LRRTM4: variants seen among roughly 807,000 people sequenced by gnomAD.
The protein encoded by LRRTM4 is leucine rich repeat transmembrane neuronal 4.
Under a neutral mutation model 47.6 loss-of-function variants are expected in LRRTM4, and 25 were observed. The observed-to-expected ratio is 0.53, with a 90% CI of 0.38 to 0.73. LRRTM4 has a LOEUF of 0.73. Among genes scored for constraint, LRRTM4 ranks in the 30% least tolerant of loss-of-function variants. The pLI is 0.00. For synonymous variants in LRRTM4, 311 were observed against 269.5 expected (o/e 1.15, Z -1.51); for missense variants, 638 against 713.4 (o/e 0.89, Z 1.20).
At chr2:77,272,487 C>T (rs181349241) in intron 3 of LRRTM4, among the ~76,000 whole-genome samples, 1 of 152,288 alleles carries the variant, frequency 6.6e-6, no homozygotes, top group African/African-American at 2.4e-5. Context: ...GGTCATTAAA[C>T]AAGTGTATTG....
chr2:77,220,679 A>T (rs1198721239), intron 3 of LRRTM4, among the ~76,000 whole-genome samples: 1 of 152,172 alleles, frequency 6.6e-6, no homozygotes, highest in African/African-American at 2.4e-5. Flanking sequence ...GAAATCAACA[A>T]AGCCTCCAAG....
chr2:76,898,515 T>A (rs142438829), intron 3 of LRRTM4, among the ~76,000 whole-genome samples: 1 of 123,702 alleles, frequency 8.1e-6, no homozygotes, highest in African/African-American at 3.2e-5. Context: ...AATGCACCAA[T>A]GCACTCCAGC....
intron 3 of LRRTM4, among the ~76,000 whole-genome samples, chr2:76,968,832 C>T (rs1333889641): frequency 6.6e-6 from 1 of 151,742 alleles, no homozygotes; most frequent in African/African-American, 2.4e-5. Flanking sequence ...AGTGGATCCC[C>T]CTTTCTCATT....
chr2:77,262,836 A>G (rs1294275935), intron 3 of LRRTM4, among the ~76,000 whole-genome samples: 2 of 151,968 alleles, frequency 1.3e-5, no homozygotes, highest in Non-Finnish European at 2.9e-5. Flanking sequence ...GATCTCCTAG[A>G]GCTCTGAAAA....
chr2:76,764,650 A>G (rs1320703461), intron 3 of LRRTM4, among the ~76,000 whole-genome samples: 1 of 152,086 alleles, frequency 6.6e-6, no homozygotes, highest in Non-Finnish European at 1.5e-5. Context: ...CAAAAAAAAC[A>G]AACAAAAAAT....
At chr2:77,457,016 A>ATATATATG (rs1676581875) in intron 3 of LRRTM4, among the ~76,000 whole-genome samples, 1 of 21,606 alleles carries the variant, frequency 4.6e-5, no homozygotes, top group Non-Finnish European at 9.3e-5. Context: ...ATATATATAT[A>ATATATATG]TATATATATA....
At chr2:77,408,180 G>GC (rs1175989474) in intron 3 of LRRTM4, among the ~76,000 whole-genome samples, 3 of 152,006 alleles carry the variant, frequency 2.0e-5, no homozygotes, top group Admixed American at 1.3e-4. Context: ...CTTTAATCCT[G>GC]CCCCCCAGGG....
At chr2:77,374,989 A>G (rs912336318) in intron 3 of LRRTM4, among the ~76,000 whole-genome samples, 2 of 151,710 alleles carry the variant, frequency 1.3e-5, no homozygotes, top group African/African-American at 2.4e-5. Flanking sequence ...CTAGTCTTCT[A>G]AGCTTTCTAC....
chr2:77,430,805 T>C (rs1338819293), intron 3 of LRRTM4, among the ~76,000 whole-genome samples: 1 of 147,638 alleles, frequency 6.8e-6, no homozygotes, highest in Admixed American at 6.6e-5. Context: ...GGTGTATCTG[T>C]GAAGGTGTTT....
chr2:77,221,544 G>C (rs1237410301), intron 3 of LRRTM4, among the ~76,000 whole-genome samples: 1 of 152,024 alleles, frequency 6.6e-6, no homozygotes, highest in Non-Finnish European at 1.5e-5. Context: ...AAAAAAGGCA[G>C]GGGTTGCAAT....
At chr2:77,514,842 T>C (rs1255598771) in intron 3 of LRRTM4, among the ~76,000 whole-genome samples, 1 of 151,978 alleles carries the variant, frequency 6.6e-6, no homozygotes, top group Non-Finnish European at 1.5e-5. Flanking sequence ...GAACTAGATA[T>C]TCAAAACTTT....
intron 3 of LRRTM4, among the ~76,000 whole-genome samples, chr2:77,069,844 A>G (rs1470075203): frequency 6.6e-6 from 1 of 152,128 alleles, no homozygotes; most frequent in Non-Finnish European, 1.5e-5. Context: ...TCATTTTCGC[A>G]TTTTAGTTAT....
chr2:76,861,596 T>C (rs765286621), intron 3 of LRRTM4, among the ~76,000 whole-genome samples: 5 of 152,164 alleles, frequency 3.3e-5, no homozygotes, highest in Non-Finnish European at 5.9e-5. Context: ...CCTTTACTGT[T>C]CCTTAATCTT....
At chr2:77,249,820 T>C (rs750732922) in intron 3 of LRRTM4, among the ~76,000 whole-genome samples, 7 of 152,216 alleles carry the variant, frequency 4.6e-5, no homozygotes, top group Non-Finnish European at 7.3e-5. Context: ...TGCTCTTTTG[T>C]ATTCATCCAA....
chr2:76,894,511 G>A (rs2065374), intron 3 of LRRTM4, among the ~76,000 whole-genome samples: 46,506 of 151,872 alleles, frequency 0.31, 7,596 homozygotes, highest in East Asian at 0.59. Flanking sequence ...AGGTGGCTAC[G>A]ATAGCCAAAA....
At chr2:77,416,897 T>C (rs1243410238) in intron 3 of LRRTM4, among the ~76,000 whole-genome samples, 1 of 151,944 alleles carries the variant, frequency 6.6e-6, no homozygotes, top group African/African-American at 2.4e-5. Context: ...ACAAATGGGA[T>C]CTAATTAAAC....
chr2:77,304,403 G>A (rs561705989), intron 3 of LRRTM4, among the ~76,000 whole-genome samples: 1 of 152,202 alleles, frequency 6.6e-6, no homozygotes, highest in Non-Finnish European at 1.5e-5. Flanking sequence ...AGAAGTGAAT[G>A]CCAAGTTCCT....
chr2:77,213,774 A>T (rs1443388955), intron 3 of LRRTM4, among the ~76,000 whole-genome samples: 2 of 152,096 alleles, frequency 1.3e-5, no homozygotes, highest in African/African-American at 4.8e-5. Context: ...CCTTTCAGAG[A>T]TGCTAGAGAG....
intron 3 of LRRTM4, among the ~76,000 whole-genome samples, chr2:77,241,231 CACACACACACACACAT>C (rs1309235089): frequency 0.01 from 1,160 of 111,884 alleles, 26 homozygotes; most frequent in African/African-American, 0.045. Flanking sequence ...CACACACACA[CACACACACACACACAT>C]GGGTCTAGAA....
Sources: allele counts gnomAD v4.1 joint callset (sites outside exome capture counted in the v4.1 genomes callset), GRCh38; gene constraint gnomAD v4.1.1; transcripts MANE v1.5; gene names NCBI Gene and HGNC (gene_info 2026-07-23, HGNC 2026-07-21).